CADM2: variants seen among roughly 807,000 people sequenced by gnomAD.
CADM2 encodes immunoglobulin superfamily member 4D.
CADM2 carries 12 observed loss-of-function variants against 49.8 expected under a neutral mutation model. That is an observed-to-expected ratio of 0.24 (90% confidence interval 0.15 to 0.39). The LOEUF (loss-of-function observed/expected upper bound fraction) is 0.39, where lower values mean the gene tolerates loss of function less well. Ranked by LOEUF, CADM2 falls within the 10% of genes least tolerant of loss-of-function variation. The pLI, the probability that CADM2 is intolerant of heterozygous loss-of-function variation, is 1.00. For missense variants in CADM2, 378 were observed against 492.3 expected (o/e 0.77, Z 2.20); for synonymous variants, 214 against 175.4 (o/e 1.22, Z -1.74).
At chr3:85,518,596 C>T (rs955864204) in intron 1 of CADM2, among the ~76,000 whole-genome samples, 2 of 152,114 alleles carry the variant, frequency 1.3e-5, no homozygotes, top group Non-Finnish European at 2.9e-5. Context: ...AATTAGTGTT[C>T]GTGGGGCCAC....
chr3:85,810,547 T>G (rs1260717327), intron 3 of CADM2, among the ~76,000 whole-genome samples: 2 of 139,822 alleles, frequency 1.4e-5, no homozygotes, highest in Non-Finnish European at 3.1e-5. Context: ...TTTTTTTTTT[T>G]TTTTTTTTTG....
intron 1 of CADM2, among the ~76,000 whole-genome samples, chr3:84,975,384 A>T (rs2031752770): frequency 1.3e-5 from 2 of 151,484 alleles, no homozygotes; most frequent in African/African-American, 4.8e-5. Flanking sequence ...AAGGGATTGC[A>T]TTTTTTTTCA....
At chr3:84,993,819 C>T (rs1025019697) in intron 1 of CADM2, among the ~76,000 whole-genome samples, 2 of 150,520 alleles carry the variant, frequency 1.3e-5, no homozygotes, top group African/African-American at 4.9e-5. Context: ...AAATGGATCT[C>T]AGCGTGACAA....
intron 1 of CADM2, among the ~76,000 whole-genome samples, chr3:85,031,501 T>TTTA (rs1382748502): frequency 6.6e-6 from 1 of 152,124 alleles, no homozygotes; most frequent in Non-Finnish European, 1.5e-5. Context: ...CAGATATTTC[T>TTTA]TTATTATTAT....
chr3:85,730,917 T>G (rs1242578778), intron 2 of CADM2, among the ~76,000 whole-genome samples: 1 of 152,174 alleles, frequency 6.6e-6, no homozygotes, highest in Non-Finnish European at 1.5e-5. Flanking sequence ...TCAACAATCA[T>G]GTAATCATTA....
At chr3:85,970,541 G>A (rs907554709) in intron 8 of CADM2, among the ~76,000 whole-genome samples, 47 of 151,662 alleles carry the variant, frequency 3.1e-4, no homozygotes, top group African/African-American at 1.1e-3. Flanking sequence ...TTATAGGTTA[G>A]CAAGGTTATA....
chr3:85,185,858 T>G (rs1368194195), intron 1 of CADM2, among the ~76,000 whole-genome samples: 2 of 152,186 alleles, frequency 1.3e-5, no homozygotes, highest in African/African-American at 4.8e-5. Flanking sequence ...AATACAAGAA[T>G]GAGTGAATAC....
rs1256217137 is a variant in CADM2 at position 85,535,180 on chromosome 3, CTTAT to C, written c.62-191338_62-191335del. ...TATGTTAATTTGATTAATTTCTTAC[CTTAT>C]TTAAATCTTATGAAATGTCACCTGC... On this transcript the variant is annotated intron_variant, in intron 1 of 9. Transcript: ENST00000383699. 3.3e-5 allele frequency among the ~76,000 whole-genome samples: 5 copies of C among 152,126 alleles called. No individual in the cohort carries two copies. The East Asian group carries it at 9.7e-4, about 29-fold the overall frequency.
intron 8 of CADM2, among the ~76,000 whole-genome samples, chr3:86,048,995 T>C (rs1737010740): frequency 6.6e-6 from 1 of 152,126 alleles, no homozygotes; most frequent in Non-Finnish European, 1.5e-5. Flanking sequence ...AAAGGTAAAT[T>C]TTAAAATTTT....
intron 8 of CADM2, among the ~76,000 whole-genome samples, chr3:86,022,050 A>G (rs1733261587): frequency 6.6e-6 from 1 of 152,168 alleles, no homozygotes; most frequent in African/African-American, 2.4e-5. Flanking sequence ...TACTATCTAT[A>G]TGCATTTTTA....
At chr3:85,706,406 G>A (rs181105705) in intron 1 of CADM2, among the ~76,000 whole-genome samples, 5 of 152,224 alleles carry the variant, frequency 3.3e-5, no homozygotes, top group Admixed American at 2.6e-4. Context: ...TGCCCTTGTC[G>A]ATGTCTGCTT....
At chr3:85,001,268 T>C (rs1665762764) in intron 1 of CADM2, among the ~76,000 whole-genome samples, 1 of 152,052 alleles carries the variant, frequency 6.6e-6, no homozygotes, top group African/African-American at 2.4e-5. Context: ...TTTTAGTTCA[T>C]ATAAAAATAT....
intron 1 of CADM2, among the ~76,000 whole-genome samples, chr3:85,009,900 T>A (rs1216964078): frequency 6.7e-6 from 1 of 149,844 alleles, no homozygotes; most frequent in East Asian, 1.9e-4. Flanking sequence ...AATAAATAAA[T>A]AAATAAATAT....
At chr3:85,562,480 A>G (rs2062124145) in intron 1 of CADM2, among the ~76,000 whole-genome samples, 2 of 32,886 alleles carry the variant, frequency 6.1e-5, no homozygotes, top group Non-Finnish European at 2.0e-4. Flanking sequence ...CTCCATCTCA[A>G]AAAAAAAAAA....
chr3:85,511,955 A>T (rs1473471001), intron 1 of CADM2: 3 of 799,390 alleles, frequency 3.8e-6, no homozygotes, highest in African/African-American at 1.9e-5. Flanking sequence ...ATATATAAAT[A>T]TATATGTGGT....
chr3:85,403,858 A>T (rs1283734184), intron 1 of CADM2, among the ~76,000 whole-genome samples: 1 of 152,128 alleles, frequency 6.6e-6, no homozygotes, highest in Admixed American at 6.6e-5. Flanking sequence ...TTGGTATGAC[A>T]TGTTAAAAAT....
chr3:85,106,707 T>C (rs1005434811), intron 1 of CADM2, among the ~76,000 whole-genome samples: 2 of 151,006 alleles, frequency 1.3e-5, no homozygotes, highest in Non-Finnish European at 1.5e-5. Context: ...AACGTAGCCT[T>C]GCCTGATCAG....
At chr3:85,748,220 T>G (rs1455253465) in intron 2 of CADM2, among the ~76,000 whole-genome samples, 1 of 152,064 alleles carries the variant, frequency 6.6e-6, no homozygotes, top group Non-Finnish European at 1.5e-5. Flanking sequence ...AAAGCCTTTC[T>G]CTCATCATAC....
At chr3:85,926,094 A>G (rs1006892659) in intron 6 of CADM2, among the ~76,000 whole-genome samples, 11 of 151,716 alleles carry the variant, frequency 7.3e-5, no homozygotes, top group African/African-American at 1.5e-4. Context: ...CCGAGATCAT[A>G]CCACTGCACT....
Sources: gnomAD v4.1 joint callset for allele counts (sites outside exome capture counted in the v4.1 genomes callset) on GRCh38, gnomAD v4.1.1 for gene constraint, MANE v1.5 for transcripts, NCBI Gene and HGNC (gene_info 2026-07-23, HGNC 2026-07-21) for gene names.